Variants in CSMD3 observed in about 807,000 individuals in gnomAD.
CSMD3 encodes the protein CUB and Sushi multiple domains 3, also known as CUB and sushi domain-containing protein 3.
In CSMD3, 177 loss-of-function variants were observed where a neutral mutation model predicts 435.2. The ratio of observed to expected loss-of-function variants is 0.41; its 90% confidence interval spans 0.36 to 0.46. CSMD3 has a LOEUF of 0.46. CSMD3 is among the 20% of genes least tolerant of loss of function. The probability of loss-of-function intolerance (pLI) is 0.34; values close to 1 mark genes in which losing one functional copy is unlikely to be tolerated. For synonymous variants in CSMD3, 1,656 were observed against 1,520.5 expected (o/e 1.09, Z -2.07); for missense variants, 4,265 against 4,504.6 (o/e 0.95, Z 1.52).
chr8:113,310,996 G>T (rs940890972), intron 2 of CSMD3: 5 of 151,834 alleles, frequency 3.3e-5, no homozygotes, highest in Non-Finnish European at 7.4e-5. Context: ...CATTAGACAT[G>T]TACATTATAA....
chr8:112,385,425 T>C (rs953833255), intron 36 of CSMD3, among the ~76,000 whole-genome samples: 1 of 152,152 alleles, frequency 6.6e-6, no homozygotes, highest in African/African-American at 2.4e-5. Context: ...AACCCCAGCA[T>C]AGCAACTATG....
At chr8:112,688,370 C>G (rs1199197285) in intron 14 of CSMD3, among the ~76,000 whole-genome samples, 3 of 152,100 alleles carry the variant, frequency 2.0e-5, no homozygotes, top group Non-Finnish European at 4.4e-5. Context: ...TAAGATGATA[C>G]TTAAGCATCC....
chr8:112,576,278 CA>C (rs1276564970), intron 23 of CSMD3, among the ~76,000 whole-genome samples: 8 of 151,722 alleles, frequency 5.3e-5, no homozygotes, highest in African/African-American at 1.9e-4. Flanking sequence ...TAATGAAAAG[CA>C]AAAATTAATG....
intron 5 of CSMD3, among the ~76,000 whole-genome samples, chr8:113,095,064 C>G (rs138592863): frequency 1.3e-5 from 2 of 151,326 alleles, no homozygotes; most frequent in Non-Finnish European, 2.9e-5. Context: ...GAGTGAGACT[C>G]CATCTCAGAA....
intron 22 of CSMD3, among the ~76,000 whole-genome samples, chr8:112,620,701 C>T (rs1330768185): frequency 1.3e-5 from 2 of 152,122 alleles, no homozygotes; most frequent in African/African-American, 4.8e-5. Context: ...TAAAAGCCAT[C>T]CAGTCCAGAC....
chr8:112,692,575 G>C (rs1430031969), intron 13 of CSMD3, among the ~76,000 whole-genome samples: 1 of 152,148 alleles, frequency 6.6e-6, no homozygotes, highest in Non-Finnish European at 1.5e-5. Context: ...GAAGAAGCCT[G>C]TTAAAGTTCC....
intron 9 of CSMD3, among the ~76,000 whole-genome samples, chr8:112,933,124 AT>A (rs957864797): frequency 2.0e-5 from 3 of 151,700 alleles, no homozygotes; most frequent in Admixed American, 6.6e-5. Context: ...GACCTCTGAG[AT>A]TTTTTTTTCC....
At position 112,468,814 on chromosome 8, in the gene CSMD3, A is replaced by T. The variant is rs1489384334; in HGVS notation, c.5395+3777T>A. ...TATTAGTCTTATATGTAGAATAAGGAGAGTAAAATATTAATAAATTCTATC... is the reference window on the plus strand; with the variant it reads ...TATTAGTCTTATATGTAGAATAAGGTGAGTAAAATATTAATAAATTCTATC... On this transcript the variant is annotated intron_variant, in intron 32 of 70. Coordinates refer to ENST00000297405, the MANE Select transcript of CSMD3 (RefSeq NM_198123.2). Among the ~76,000 whole-genome samples the T allele has an allele frequency of 1.4e-4, 21 of 152,212 alleles. No individual in the cohort carries two copies. In the East Asian group the frequency reaches 3.9e-3, roughly 28 times the overall value.
At chr8:113,186,291 C>A (rs2092500564) in intron 3 of CSMD3, among the ~76,000 whole-genome samples, 1 of 151,958 alleles carries the variant, frequency 6.6e-6, no homozygotes, top group Admixed American at 6.6e-5. Flanking sequence ...TTGGCCACTA[C>A]CCACAAGTCA....
chr8:113,004,602 G>A (rs1255034478), intron 6 of CSMD3, among the ~76,000 whole-genome samples: 1 of 151,914 alleles, frequency 6.6e-6, no homozygotes, highest in Non-Finnish European at 1.5e-5. Context: ...TCAGAGCATT[G>A]AGCGCAAGAT....
chr8:112,763,199 C>T (rs1384948866), intron 13 of CSMD3, among the ~76,000 whole-genome samples: 1 of 151,458 alleles, frequency 6.6e-6, no homozygotes, highest in African/African-American at 2.4e-5. Context: ...AAATCTTTGG[C>T]ATCTGCTCAA....
At chr8:112,441,442 G>A (rs1421961081) in intron 32 of CSMD3, among the ~76,000 whole-genome samples, 1 of 152,092 alleles carries the variant, frequency 6.6e-6, no homozygotes, top group Non-Finnish European at 1.5e-5. Context: ...CTTCTTCCGA[G>A]CCCTCCAAAC....
intron 27 of CSMD3, among the ~76,000 whole-genome samples, chr8:112,546,681 A>T (rs1417355107): frequency 1.3e-5 from 2 of 152,178 alleles, no homozygotes; most frequent in African/African-American, 4.8e-5. Flanking sequence ...AGGCAGATTA[A>T]AATGTAAGCA....
At chr8:112,491,100 T>C (rs1820640735) in intron 31 of CSMD3, among the ~76,000 whole-genome samples, 2 of 152,090 alleles carry the variant, frequency 1.3e-5, no homozygotes, top group Non-Finnish European at 2.9e-5. Flanking sequence ...TGAGACAAAA[T>C]AAATCCAGAG....
chr8:113,179,758 G>A (rs547304394), intron 3 of CSMD3, among the ~76,000 whole-genome samples: 4 of 151,684 alleles, frequency 2.6e-5, no homozygotes, highest in Admixed American at 2.0e-4. Context: ...GACTATAGGA[G>A]AACAAAATTT....
rs1027168012 is a variant in CSMD3 at position 112,225,018 on chromosome 8, G to A, written c.10965-88C>T. On this transcript the variant is annotated intron_variant, in intron 70 of 70. Transcript: ENST00000297405. ...TCAAACATAATGTACATCGTTAGCA[G>A]ATAATGTAACTTAAAAATATTAATT... 3 of 1,237,408 alleles carry A rather than the reference G, an allele frequency of 2.4e-6. No individual in the cohort carries two copies. The Admixed American group carries it at 5.0e-5, about 21-fold the overall frequency. 76.7% of individuals were successfully genotyped at this position (1,237,408 alleles called of 1,614,324 possible). A position where few individuals can be genotyped will look rare whatever the true frequency, so the allele number is the denominator to read the frequency against.
intron 22 of CSMD3, among the ~76,000 whole-genome samples, chr8:112,616,270 A>G (rs530534424): frequency 6.6e-6 from 1 of 152,090 alleles, no homozygotes; most frequent in African/African-American, 2.4e-5. Context: ...CTCAAAAATT[A>G]TATCTATTAT....
At chr8:113,195,502 G>A (rs1348320600) in intron 3 of CSMD3, among the ~76,000 whole-genome samples, 1 of 150,660 alleles carries the variant, frequency 6.6e-6, no homozygotes, top group African/African-American at 2.4e-5. Flanking sequence ...ATGAATTTCA[G>A]ATAAGTAAAT....
At chr8:112,702,603 A>T (rs1177531292) in intron 13 of CSMD3, among the ~76,000 whole-genome samples, 1 of 151,924 alleles carries the variant, frequency 6.6e-6, no homozygotes, top group African/African-American at 2.4e-5. Context: ...TGGGGGGTAA[A>T]GACTGATCCC....
Sources: allele counts gnomAD v4.1 joint callset (sites outside exome capture counted in the v4.1 genomes callset), GRCh38; gene constraint gnomAD v4.1.1; transcripts MANE v1.5; gene names NCBI Gene and HGNC (gene_info 2026-07-23, HGNC 2026-07-21).